Variants in CABLES1 observed in about 807,000 individuals in gnomAD.
CABLES1 encodes CDK5 and ABL1 enzyme substrate 1.
Under a neutral mutation model 57.8 loss-of-function variants are expected in CABLES1, and 36 were observed. The observed-to-expected ratio is 0.62, with a 90% CI of 0.48 to 0.82. The LOEUF (loss-of-function observed/expected upper bound fraction) is 0.82. Among genes scored for constraint, CABLES1 ranks in the 40% least tolerant of loss-of-function variants. CABLES1 has a pLI of 0.00. For missense variants in CABLES1, 767 were observed against 836.6 expected, an observed-to-expected ratio of 0.92 and a Z score of 1.03; for synonymous variants, 374 against 363.0, an observed-to-expected ratio of 1.03 and a Z score of -0.35.
At chr18:23,257,189 T>A (rs746111386) in intron 9 of CABLES1, 38 bp from the exon 10 acceptor site, 1 of 1,606,346 alleles carries the variant, frequency 6.2e-7, no homozygotes, top group Admixed American at 1.7e-5. Context: ...GATTTTAATT[T>A]CAAAATGAAC....
chr18:23,147,622 G>A (rs192345172), intron 1 of CABLES1, among the ~76,000 whole-genome samples: 7 of 152,356 alleles, frequency 4.6e-5, no homozygotes, highest in African/African-American at 1.7e-4. Flanking sequence ...ATCAGTAGTA[G>A]TGAAATCAGA....
At chr18:23,156,272 C>T (rs1598802505) in intron 1 of CABLES1, among the ~76,000 whole-genome samples, 1 of 152,154 alleles carries the variant, frequency 6.6e-6, no homozygotes, top group Admixed American at 6.5e-5. Flanking sequence ...GTGAGCCTGC[C>T]GTGTGCTTCT....
chr18:23,184,318 T>TGTGTGTGTGTGA (rs2047187454), intron 1 of CABLES1, among the ~76,000 whole-genome samples: 1 of 149,818 alleles, frequency 6.7e-6, no homozygotes, highest in African/African-American at 2.4e-5. Context: ...CGTGTGTGTG[T>TGTGTGTGTGTGA]GTGTGTGTGT....
chr18:23,147,679 C>T (rs1263232912), intron 1 of CABLES1, among the ~76,000 whole-genome samples: 1 of 152,172 alleles, frequency 6.6e-6, no homozygotes, highest in African/African-American at 2.4e-5. Context: ...GCATTTTGCC[C>T]CTGCTTACGC....
intron 1 of CABLES1, among the ~76,000 whole-genome samples, chr18:23,163,444 G>T (rs567204127): frequency 2.0e-5 from 3 of 152,146 alleles, no homozygotes; most frequent in Non-Finnish European, 4.4e-5. Flanking sequence ...AGGGTCTTCC[G>T]TATCGAGAGG....
Position 23,165,187 on chromosome 18 carries a change from C to G in CABLES1, c.846-23651C>G, listed in dbSNP as rs182626666. ...CATAGCTCATTGCAGCTTCAAACTC[C>G]TGGACTCCAGCAATCCTCCCAAGTA... is the stretch of plus-strand genomic sequence containing the variant. On this transcript the variant is annotated intron_variant, in intron 1 of 9. Transcript: ENST00000256925. 4.6e-5 allele frequency among the ~76,000 whole-genome samples: 7 copies of G among 152,238 alleles called. No homozygotes were observed. The East Asian group carries it at 1.3e-3, about 29-fold the overall frequency.
chr18:23,205,181 C>CTTTTTT (rs34690271), intron 3 of CABLES1, among the ~76,000 whole-genome samples: 14 of 81,184 alleles, frequency 1.7e-4, no homozygotes, highest in East Asian at 3.7e-4. Flanking sequence ...TCATTCCTGA[C>CTTTTTT]TTTTTTTTTT....
chr18:23,231,837 G>A (rs905851900), intron 4 of CABLES1, among the ~76,000 whole-genome samples: 13 of 152,042 alleles, frequency 8.6e-5, no homozygotes, highest in Non-Finnish European at 1.6e-4. Context: ...TGGAAGAGGC[G>A]CGACTGGTTT....
At chr18:23,191,961 T>C (rs1444177023) in intron 2 of CABLES1, among the ~76,000 whole-genome samples, 3 of 145,774 alleles carry the variant, frequency 2.1e-5, no homozygotes, top group African/African-American at 5.1e-5. Flanking sequence ...ACAAACAGCT[T>C]GCTTAATGAA....
intron 9 of CABLES1, among the ~76,000 whole-genome samples, chr18:23,256,447 C>A (rs999545300): frequency 8.5e-5 from 13 of 152,172 alleles, no homozygotes; most frequent in Non-Finnish European, 1.0e-4. Context: ...GAACTTACCA[C>A]GTGGTTTTTA....
chr18:23,179,864 C>T (rs2047151867), intron 1 of CABLES1, among the ~76,000 whole-genome samples: 1 of 152,184 alleles, frequency 6.6e-6, no homozygotes. Context: ...TTTTTTTCTT[C>T]ATCTGTGAAC....
In CABLES1 at chr18:23,136,057, G is replaced by T. The variant is rs201595073; in HGVS notation, c.295G>T (p.Gly99Cys). The change falls in exon 1 of 10, where the codon GGC (glycine) becomes TGC (cysteine). Residue 99 changes from glycine to cysteine, a missense_variant. Physicochemically the swap from Gly to Cys is radical, Grantham distance 159. Around this residue, in one of 4 missense-constraint regions of CABLES1, gnomAD observed 198 missense variants for 149.7 expected, o/e 1.32. Coordinates refer to ENST00000256925, the MANE Select transcript of CABLES1 (RefSeq NM_001100619.3). ...EEGGAAKPGA[G>C]GACGARTRFS... Reference sequence around the variant, plus strand: ...GGGCGGCGCGGCCAAGCCGGGCGCCGGCGGCGCCTGCGGCGCGAGGACTCG... The same window carrying T: ...GGGCGGCGCGGCCAAGCCGGGCGCCTGCGGCGCCTGCGGCGCGAGGACTCG... 3 of 703,548 alleles carry T rather than the reference G, an allele frequency of 4.3e-6. No homozygotes were observed. The highest frequency in any genetic ancestry group is 7.6e-5 in the Admixed American group (1 of 13,176). 43.6% of individuals were successfully genotyped at this position (703,548 alleles called of 1,614,324 possible). A position where few individuals can be genotyped will look rare whatever the true frequency, so the allele number is the denominator to read the frequency against.
chr18:23,183,439 C>T (rs1034500195), intron 1 of CABLES1, among the ~76,000 whole-genome samples: 1 of 152,208 alleles, frequency 6.6e-6, no homozygotes, highest in African/African-American at 2.4e-5. Flanking sequence ...GATGTGCAGT[C>T]GTGTTGTCAT....
chr18:23,140,011 G>T (rs1406015494), intron 1 of CABLES1, among the ~76,000 whole-genome samples: 1 of 152,160 alleles, frequency 6.6e-6, no homozygotes, highest in Non-Finnish European at 1.5e-5. Flanking sequence ...TTCTGTTGGG[G>T]TGTCCAGGGA....
At chr18:23,160,478 T>C (rs1598804540) in intron 1 of CABLES1, among the ~76,000 whole-genome samples, 1 of 152,206 alleles carries the variant, frequency 6.6e-6, no homozygotes, top group Non-Finnish European at 1.5e-5. Context: ...GTAGACCCTG[T>C]GTGCAGCGCC....
intron 5 of CABLES1, 124 bp downstream of exon 5, chr18:23,234,828 A>G: frequency 1.3e-6 from 1 of 759,708 alleles, no homozygotes; most frequent in Admixed American, 2.3e-5. Context: ...GCAGATTCCC[A>G]GGCATGTGAT....
At chr18:23,205,321 A>G (rs11877418) in intron 3 of CABLES1, among the ~76,000 whole-genome samples, 24,689 of 150,828 alleles carry the variant, frequency 0.16, 3,084 homozygotes, top group African/African-American at 0.32. Context: ...AGCTTCCCGG[A>G]TAGCTGGGAT....
intron 1 of CABLES1, among the ~76,000 whole-genome samples, chr18:23,174,776 G>GT (rs2047109985): frequency 7.1e-6 from 1 of 141,492 alleles, no homozygotes; most frequent in South Asian, 2.2e-4. Flanking sequence ...CCCGGCCTGT[G>GT]TTTAACATTT....
intron 7 of CABLES1, among the ~76,000 whole-genome samples, chr18:23,248,041 C>A (rs1301503025): frequency 6.6e-6 from 1 of 152,246 alleles, no homozygotes; most frequent in African/African-American, 2.4e-5. Flanking sequence ...GACAAGGCTG[C>A]TTGTAAAAAA....
Sources: gnomAD v4.1 joint callset for allele counts (sites outside exome capture counted in the v4.1 genomes callset) on GRCh38, gnomAD v4.1.1 for gene constraint, gnomAD v4.1.1 regional missense constraint, MANE v1.5 for transcripts, NCBI Gene and HGNC (gene_info 2026-07-23, HGNC 2026-07-21) for gene names.